The following CNOT2 variants were observed in gnomAD, a reference collection of about 807,000 sequenced individuals.
CNOT2 encodes CCR4-NOT transcription complex subunit 2.
In CNOT2, 7 loss-of-function variants were observed where a neutral mutation model predicts 72.1. That is an observed-to-expected ratio of 0.10 (90% CI 0.06 to 0.18). The LOEUF is 0.18. Ranked by LOEUF, CNOT2 falls within the 10% of genes least tolerant of loss-of-function variation. The probability of loss-of-function intolerance (pLI) is 1.00; values close to 1 mark genes in which losing one functional copy is unlikely to be tolerated. For missense variants in CNOT2, 345 were observed against 660.3 expected (o/e 0.52, Z 5.23); for synonymous variants, 196 against 225.6 (o/e 0.87, Z 1.17).
intron 1 of CNOT2, among the ~76,000 whole-genome samples, chr12:70,260,331 TA>T (rs1183099328): frequency 1.3e-5 from 2 of 152,160 alleles, no homozygotes; most frequent in African/African-American, 4.8e-5. Flanking sequence ...TTGTAGTTTT[TA>T]TGGTATGTTT....
chr12:70,352,470 T>C (rs1489980952), intron 15 of CNOT2, among the ~76,000 whole-genome samples: 1 of 152,212 alleles, frequency 6.6e-6, no homozygotes, highest in Non-Finnish European at 1.5e-5. Flanking sequence ...ATACTTGGTG[T>C]TCCATCTTAA....
intron 3 of CNOT2, among the ~76,000 whole-genome samples, chr12:70,318,684 T>C (rs570084139): frequency 1.3e-5 from 2 of 152,016 alleles, no homozygotes; most frequent in South Asian, 2.1e-4. Flanking sequence ...CCCCACTAGA[T>C]TGTAAGCCCC....
chr12:70,323,594 G>A (rs1878630930), intron 4 of CNOT2: 1 of 151,716 alleles, frequency 6.6e-6, no homozygotes, highest in Admixed American at 6.6e-5. Flanking sequence ...CAGACTGTGA[G>A]TAAAGTTGTT....
Position 70,354,271 on chromosome 12 carries a change from C to A in CNOT2, c.*356C>A. On this transcript the variant is annotated 3_prime_UTR_variant, in exon 16 of 16. Coordinates refer to ENST00000229195, the MANE Select transcript of CNOT2 (RefSeq NM_014515.7). ...TAAAAAAGAAAACCCCCAAAAGACT[C>A]AAGAAAATTAGACCACAAATTTTGC... 1 of 217,806 alleles carries A rather than the reference C, an allele frequency of 4.6e-6. No homozygotes were observed. 13.5% of individuals were successfully genotyped at this position (217,806 alleles called of 1,614,324 possible). A position where few individuals can be genotyped will look rare whatever the true frequency, so the allele number is the denominator to read the frequency against.
intron 15 of CNOT2, 80 bp downstream of exon 15, chr12:70,346,404 A>G: frequency 1.7e-6 from 2 of 1,162,758 alleles, no homozygotes; most frequent in Non-Finnish European, 2.5e-6. Context: ...TATAAGTACC[A>G]ATACATCCAG....
intron 14 of CNOT2, 179 bp from the exon 15 acceptor site, chr12:70,346,001 T>G: frequency 2.0e-6 from 1 of 505,130 alleles, no homozygotes. Flanking sequence ...TAAGAAATAT[T>G]TTTTCTATAT....
At position 70,300,706 on chromosome 12, in the gene CNOT2, C is replaced by T. The variant is rs1220161061; in HGVS notation, c.49-10189C>T. 2.0e-5 allele frequency among the ~76,000 whole-genome samples: 3 copies of T among 152,098 alleles called. No individual in the cohort carries two copies. The East Asian group carries it at 5.8e-4, about 29-fold the overall frequency. ...TAGGATTGACTTGGCAATGAGGGCC[C>T]TTTTTTGGTGCCATATGAACTTTAA... is the stretch of plus-strand genomic sequence containing the variant. On this transcript the variant is annotated intron_variant, in intron 2 of 15. Transcript: ENST00000229195.
chr12:70,265,099 T>G (rs1472210774), intron 1 of CNOT2, among the ~76,000 whole-genome samples: 4 of 152,126 alleles, frequency 2.6e-5, no homozygotes, highest in African/African-American at 7.2e-5. Flanking sequence ...TTTAATTTTT[T>G]TTTGTTTGTT....
chr12:70,306,578 A>T (rs753768202), intron 2 of CNOT2, among the ~76,000 whole-genome samples: 3 of 150,770 alleles, frequency 2.0e-5, no homozygotes, highest in Non-Finnish European at 4.4e-5. Context: ...GTTTTGCTAC[A>T]TGCATATATT....
At chr12:70,304,762 G>GC (rs1874895666) in intron 2 of CNOT2, among the ~76,000 whole-genome samples, 1 of 152,232 alleles carries the variant, frequency 6.6e-6, no homozygotes, top group Non-Finnish European at 1.5e-5. Context: ...TCTGTGCCCT[G>GC]CCCCCAGAGG....
At chr12:70,307,453 C>T (rs1029132159) in intron 2 of CNOT2, among the ~76,000 whole-genome samples, 8 of 152,192 alleles carry the variant, frequency 5.3e-5, no homozygotes, top group Middle Eastern at 3.4e-3. Flanking sequence ...TCTATCAAGG[C>T]ATCACTAGGC....
At chr12:70,259,043 C>A (rs910886849) in intron 1 of CNOT2, among the ~76,000 whole-genome samples, 2 of 152,170 alleles carry the variant, frequency 1.3e-5, no homozygotes, top group African/African-American at 4.8e-5. Context: ...ATATACTCTT[C>A]ACAGTTGTTA....
At chr12:70,294,276 G>A (rs1166150994) in intron 2 of CNOT2, 2 of 1,289,338 alleles carry the variant, frequency 1.6e-6, no homozygotes, top group Admixed American at 4.6e-5. Flanking sequence ...AGTAGCAAAT[G>A]TTGAAAGAAG....
intron 1 of CNOT2, among the ~76,000 whole-genome samples, chr12:70,264,091 T>C (rs973823375): frequency 2.0e-5 from 3 of 152,234 alleles, no homozygotes; most frequent in Non-Finnish European, 4.4e-5. Context: ...TCTTTTGTTA[T>C]TAACAGTTCT....
intron 2 of CNOT2, among the ~76,000 whole-genome samples, chr12:70,285,776 A>G (rs765310567): frequency 6.6e-6 from 1 of 152,068 alleles, no homozygotes; most frequent in Non-Finnish European, 1.5e-5. Context: ...ATAAAATGAG[A>G]CCCATTGGGA....
chr12:70,339,068 G>T (rs958911117), intron 11 of CNOT2, among the ~76,000 whole-genome samples: 2 of 123,932 alleles, frequency 1.6e-5, no homozygotes, highest in Non-Finnish European at 1.6e-5. Context: ...ATGTATATAT[G>T]TGTGTGTGTA....
chr12:70,246,556 A>G (rs1365495462), intron 1 of CNOT2, among the ~76,000 whole-genome samples: 2 of 152,192 alleles, frequency 1.3e-5, no homozygotes, highest in Non-Finnish European at 2.9e-5. Flanking sequence ...TTGATGATAC[A>G]GGTGACTGTT....
intron 3 of CNOT2, among the ~76,000 whole-genome samples, chr12:70,312,878 A>G (rs1012393227): frequency 6.6e-6 from 1 of 152,036 alleles, no homozygotes; most frequent in Non-Finnish European, 1.5e-5. Context: ...TTTTAAAAAT[A>G]CACTTGAAGA....
intron 1 of CNOT2, among the ~76,000 whole-genome samples, chr12:70,251,657 A>G (rs1565725928): frequency 6.6e-6 from 1 of 152,204 alleles, no homozygotes; most frequent in African/African-American, 2.4e-5. Flanking sequence ...TGTTTATGAC[A>G]TTTTTGAAAG....
Sources: gnomAD v4.1 joint callset for allele counts (sites outside exome capture counted in the v4.1 genomes callset) on GRCh38, gnomAD v4.1.1 for gene constraint, MANE v1.5 for transcripts, NCBI Gene and HGNC (gene_info 2026-07-23, HGNC 2026-07-21) for gene names.